The following FSIP1 variants were observed in gnomAD, a reference collection of about 807,000 sequenced individuals.
FSIP1 encodes fibrous sheath interacting protein 1, also known as fibrous sheath-interacting protein 1.
Under a neutral mutation model 60.9 loss-of-function variants are expected in FSIP1, and 65 were observed. That is an observed-to-expected ratio of 1.07 (90% CI 0.87 to 1.31). FSIP1 has a LOEUF of 1.31. Ranked by LOEUF, FSIP1 falls within the 40% of genes most tolerant of loss-of-function variation. The pLI is 0.00. For synonymous variants in FSIP1, 209 were observed against 221.2 expected (o/e 0.94, Z 0.49); for missense variants, 675 against 665.5 (o/e 1.01, Z -0.16).
chr15:39,617,711 AAACACATG>A lies in FSIP1; in HGVS notation c.1699+16_1699+23del. ...AGGTGCTTTTAAGAATTATTTACCA[AAACACATG>A]TTCGCCAAGCCTCACCTGCTATTGT... is the stretch of plus-strand genomic sequence containing the variant. On this transcript the variant is annotated intron_variant, in intron 11 of 11. Coordinates refer to ENST00000350221, the MANE Select transcript of FSIP1 (RefSeq NM_152597.5). 6.3e-7 allele frequency: 1 copy of A among 1,588,396 alleles called. No individual in the cohort carries two copies. The highest frequency in any genetic ancestry group is 1.1e-5 in the South Asian group (1 of 87,758).
intron 5 of FSIP1, among the ~76,000 whole-genome samples, chr15:39,763,117 C>T (rs2576930): frequency 0.29 from 44,571 of 151,730 alleles, 7,309 homozygotes; most frequent in Non-Finnish European, 0.38. Context: ...TTTTGTTTAA[C>T]CAATATTTTC....
chr15:39,770,368 T>C, intron 3 of FSIP1, 59 bp downstream of exon 3: 7 of 1,279,842 alleles, frequency 5.5e-6, no homozygotes, highest in Non-Finnish European at 6.4e-6. Flanking sequence ...AATATAACAT[T>C]TGTAATAATC....
intron 11 of FSIP1, among the ~76,000 whole-genome samples, chr15:39,606,298 A>G (rs932404689): frequency 6.6e-6 from 1 of 152,220 alleles, no homozygotes; most frequent in African/African-American, 2.4e-5. Context: ...TTAAAAAGAA[A>G]ACAAAACTTA....
At chr15:39,780,578 C>T (rs12594027) in intron 1 of FSIP1, among the ~76,000 whole-genome samples, 9,520 of 152,140 alleles carry the variant, frequency 0.063, 638 homozygotes, top group East Asian at 0.26. Context: ...TATAGATATA[C>T]GTCATGCTTT....
At chr15:39,661,717 A>C (rs1893302881) in intron 10 of FSIP1, among the ~76,000 whole-genome samples, 1 of 152,182 alleles carries the variant, frequency 6.6e-6, no homozygotes, top group Non-Finnish European at 1.5e-5. Context: ...CCCTCAAGTC[A>C]TACACCAGAG....
chr15:39,648,577 C>G (rs1595571239), intron 10 of FSIP1, among the ~76,000 whole-genome samples: 1 of 152,222 alleles, frequency 6.6e-6, no homozygotes, highest in East Asian at 1.9e-4. Flanking sequence ...CAGTTAAGAA[C>G]CCAGGAGTAA....
chr15:39,733,415 C>T lies in FSIP1; in HGVS notation c.891+4676G>A, dbSNP rs574964676. 2.7e-4 allele frequency among the ~76,000 whole-genome samples: 41 copies of T among 152,280 alleles called. No individual in the cohort carries two copies. The South Asian group carries it at 7.9e-3, about 29-fold the overall frequency. On this transcript the variant is annotated intron_variant, in intron 8 of 11. Transcript: ENST00000350221. ...CATGGTTGAAACCCAACTTAGAAAACTGTAGAAGGAGCTCGTATGTACAAA... is the reference window on the plus strand; with the variant it reads ...CATGGTTGAAACCCAACTTAGAAAATTGTAGAAGGAGCTCGTATGTACAAA...
chr15:39,598,290 ACT>A (rs758838157), downstream of FSIP1: 1 of 152,184 alleles, frequency 6.6e-6, no homozygotes, highest in Non-Finnish European at 1.5e-5. Flanking sequence ...GTTGATTTTC[ACT>A]CTCATTCTAT....
At chr15:39,629,955 A>C (rs1260108685) in intron 10 of FSIP1, among the ~76,000 whole-genome samples, 1 of 152,226 alleles carries the variant, frequency 6.6e-6, no homozygotes, top group Non-Finnish European at 1.5e-5. Flanking sequence ...AGTGCCATAC[A>C]GTTAACTCCA....
intron 10 of FSIP1, among the ~76,000 whole-genome samples, chr15:39,683,187 G>C (rs528576302): frequency 6.6e-6 from 1 of 152,100 alleles, no homozygotes; most frequent in Non-Finnish European, 1.5e-5. Flanking sequence ...TCTGCTGGCT[G>C]GTCCCTTATT....
At chr15:39,775,759 C>G (rs1184177226) in intron 2 of FSIP1, among the ~76,000 whole-genome samples, 3 of 152,168 alleles carry the variant, frequency 2.0e-5, no homozygotes, top group African/African-American at 7.2e-5. Flanking sequence ...GCTTCCCCTT[C>G]ACCTTCCGCC....
At position 39,765,576 on chromosome 15, in the gene FSIP1, G is replaced by C; in HGVS notation, c.465+16C>G. The C allele has an allele frequency of 6.4e-7, 1 of 1,559,910 alleles. No homozygotes were observed. The highest frequency in any genetic ancestry group is 1.2e-5 in the South Asian group (1 of 82,464). On this transcript the variant is annotated intron_variant, in intron 4 of 11. Coordinates refer to ENST00000350221, the MANE Select transcript of FSIP1 (RefSeq NM_152597.5). ...TTTATTTCTTACATGTCAGCATAAG[G>C]TTAGATAATTCTTACCTTAATTTCT...
chr15:39,614,742 T>C (rs183926622), intron 11 of FSIP1, among the ~76,000 whole-genome samples: 2 of 151,992 alleles, frequency 1.3e-5, no homozygotes, highest in East Asian at 1.9e-4. Flanking sequence ...ATAGATTTAA[T>C]GCAATTCCTA....
At chr15:39,656,323 AT>A (rs933899351) in intron 10 of FSIP1, among the ~76,000 whole-genome samples, 1 of 152,236 alleles carries the variant, frequency 6.6e-6, no homozygotes, top group African/African-American at 2.4e-5. Context: ...TCATAGTGTT[AT>A]TTAAAGGTGT....
intron 5 of FSIP1, among the ~76,000 whole-genome samples, chr15:39,744,065 A>G (rs1196361822): frequency 6.6e-6 from 1 of 152,206 alleles, no homozygotes; most frequent in Non-Finnish European, 1.5e-5. Context: ...TCATTTCCTG[A>G]TTTATATGTA....
chr15:39,638,788 A>G (rs1203621204), intron 10 of FSIP1, among the ~76,000 whole-genome samples: 1 of 150,032 alleles, frequency 6.7e-6, no homozygotes, highest in African/African-American at 2.4e-5. Flanking sequence ...TTCCTATTTC[A>G]TGCACATGTG....
At chr15:39,763,234 C>T (rs1897565967) in intron 5 of FSIP1, among the ~76,000 whole-genome samples, 1 of 152,040 alleles carries the variant, frequency 6.6e-6, no homozygotes, top group Admixed American at 6.6e-5. Context: ...GATGTTTCAA[C>T]TAGAATATAC....
At position 39,770,623 on chromosome 15, in the gene FSIP1, TC is replaced by T. The variant is rs112959149; in HGVS notation, c.127-14del. The T allele has an allele frequency of 1.1e-3, 1,448 of 1,333,452 alleles. No individual in the cohort carries two copies. Among genetic ancestry groups the T allele is most frequent in the Admixed American group, 3.0e-3 (106 of 34,854 alleles). The allele number at this position is 1,333,452 out of a possible 1,614,324, so 82.6% of individuals were successfully genotyped here. ...TTGCAGTATCGACCTAAAAATAATT[TC>T]AAAAAAAAAACAGTTTCCGAAAATA... On this transcript the variant is annotated splice_polypyrimidine_tract_variant and intron_variant, in intron 2 of 11. Coordinates refer to ENST00000350221, the MANE Select transcript of FSIP1 (RefSeq NM_152597.5).
intron 9 of FSIP1, among the ~76,000 whole-genome samples, chr15:39,720,756 G>A (rs965035364): frequency 6.6e-6 from 1 of 151,964 alleles, no homozygotes; most frequent in Non-Finnish European, 1.5e-5. Context: ...TTTATGGTGG[G>A]ATTTACAATA....
Sources: gnomAD v4.1 joint callset for allele counts (sites outside exome capture counted in the v4.1 genomes callset) on GRCh38, gnomAD v4.1.1 for gene constraint, MANE v1.5 for transcripts, NCBI Gene and HGNC (gene_info 2026-07-23, HGNC 2026-07-21) for gene names.